Variants in GPSM2 observed in about 807,000 individuals in gnomAD.
GPSM2 encodes the protein G protein-signaling modulator 2.
In GPSM2, 58 loss-of-function variants were observed where a neutral mutation model predicts 78.4. The ratio of observed to expected loss-of-function variants is 0.74; its 90% CI spans 0.60 to 0.92. The LOEUF (loss-of-function observed/expected upper bound fraction) is 0.92, where lower values mean the gene tolerates loss of function less well. GPSM2 is among the 40% of genes least tolerant of loss of function. GPSM2 has a pLI of 0.00. For synonymous variants in GPSM2, 224 were observed against 280.2 expected (o/e 0.80, Z 2.00); for missense variants, 700 against 815.5 (o/e 0.86, Z 1.73).
chr1:108,894,823 T>C (rs1648237327), intron 2 of GPSM2, among the ~76,000 whole-genome samples: 1 of 152,226 alleles, frequency 6.6e-6, no homozygotes, highest in South Asian at 2.1e-4. Flanking sequence ...TATATCTGCT[T>C]GTTCTAAACC....
At chr1:108,928,800 C>A (rs1459716856) in intron 14 of GPSM2, among the ~76,000 whole-genome samples, 1 of 151,956 alleles carries the variant, frequency 6.6e-6, no homozygotes, top group African/African-American at 2.4e-5. Flanking sequence ...ACCAGCCTGG[C>A]CAACATGGTG....
chr1:108,914,292 C>T, intron 10 of GPSM2, 46 bp from the exon 11 acceptor site: 1 of 1,301,716 alleles, frequency 7.7e-7, no homozygotes, highest in African/African-American at 1.4e-5. Flanking sequence ...AACTTGTACT[C>T]TTAAGGGCTC....
Position 108,885,481 on chromosome 1 carries a change from A to C in GPSM2, c.-42A>C. 2.6e-6 allele frequency: 3 copies of C among 1,149,854 alleles called. No individual in the cohort carries two copies. The highest frequency in any genetic ancestry group is 3.9e-6 in the Non-Finnish European group (3 of 759,776). The allele number at this position is 1,149,854 out of a possible 1,614,324, so 71.2% of individuals were successfully genotyped here. ...CATTGTAAAGGACTGGATTGGCACA[A>C]AATAAAATAATTTTATTTTATTCAG... On this transcript the variant is annotated 5_prime_UTR_variant, in exon 2 of 15. Transcript: ENST00000264126.
intron 11 of GPSM2, among the ~76,000 whole-genome samples, chr1:108,918,244 C>T (rs908734071): frequency 1.3e-5 from 2 of 152,094 alleles, no homozygotes; most frequent in African/African-American, 4.8e-5. Flanking sequence ...AAAAATTCTA[C>T]ATACATCCAA....
intron 2 of GPSM2, among the ~76,000 whole-genome samples, chr1:108,892,786 A>C (rs1054825250): frequency 2.0e-5 from 3 of 152,244 alleles, no homozygotes; most frequent in Non-Finnish European, 4.4e-5. Context: ...CCTATTTTGC[A>C]GGCATAAATC....
intron 12 of GPSM2, among the ~76,000 whole-genome samples, chr1:108,921,794 CCT>C (rs1403307196): frequency 1.3e-5 from 2 of 152,032 alleles, no homozygotes; most frequent in African/African-American, 2.4e-5. Flanking sequence ...AAAATTAGTT[CCT>C]CTCTCCTCCT....
chr1:108,880,879 G>T (rs1202134119), intron 1 of GPSM2, among the ~76,000 whole-genome samples: 3 of 152,182 alleles, frequency 2.0e-5, no homozygotes, highest in Admixed American at 6.5e-5. Context: ...TGGCATTTAA[G>T]TGGCAGTCAG....
rs766068496 is a variant in GPSM2 at position 108,901,835 on chromosome 1, A to G, written c.843A>G (p.Glu281=). The G allele has an allele frequency of 6.2e-7, 1 of 1,612,536 alleles. No individual in the cohort carries two copies. Among genetic ancestry groups the G allele is most frequent in the South Asian group, 1.1e-5 (1 of 91,066 alleles). ...LARQLKDRAV[E]AQSCYSLGNT... ...GACAGCTTAAAGACCGAGCTGTAGA[A>G]GCACAGTCTTGTTACAGTCTTGGAA... is the stretch of plus-strand genomic sequence containing the variant. Residue 281 remains glutamate (E), a synonymous_variant, in exon 8 of 15, where the codon GAA becomes GAG. Transcript: ENST00000264126.
At chr1:108,880,753 C>G (rs926611541) in intron 1 of GPSM2, among the ~76,000 whole-genome samples, 2 of 152,156 alleles carry the variant, frequency 1.3e-5, no homozygotes, top group Non-Finnish European at 2.9e-5. Flanking sequence ...GATGATCTAA[C>G]CTGGTGGCAA....
intron 12 of GPSM2, 43 bp downstream of exon 12, chr1:108,918,832 G>C: frequency 1.5e-6 from 2 of 1,323,836 alleles, no homozygotes; most frequent in Non-Finnish European, 2.2e-6. Context: ...TTTGAGTACC[G>C]ACATTTGGGT....
intron 11 of GPSM2, among the ~76,000 whole-genome samples, chr1:108,917,376 G>A (rs1650308963): frequency 6.6e-6 from 1 of 151,366 alleles, no homozygotes; most frequent in Non-Finnish European, 1.5e-5. Flanking sequence ...GACCATCCTG[G>A]CCAACATGGT....
At chr1:108,880,119 A>G (rs1370797455) in intron 1 of GPSM2, among the ~76,000 whole-genome samples, 1 of 152,182 alleles carries the variant, frequency 6.6e-6, no homozygotes, top group African/African-American at 2.4e-5. Context: ...TTATTCCCAT[A>G]TTATCACAAA....
chr1:108,910,897 GA>G (rs1304187658), intron 10 of GPSM2, among the ~76,000 whole-genome samples: 2 of 151,480 alleles, frequency 1.3e-5, no homozygotes, highest in African/African-American at 4.8e-5. Context: ...TTCAACATTA[GA>G]AAATCAATTA....
chr1:108,924,303 T>C, intron 14 of GPSM2, 89 bp downstream of exon 14: 2 of 816,338 alleles, frequency 2.4e-6, no homozygotes, highest in Non-Finnish European at 2.1e-6. Flanking sequence ...AGGAAGGGCT[T>C]ATTTTGTATT....
At chr1:108,911,235 TGAA>T (rs1188527276) in intron 10 of GPSM2, among the ~76,000 whole-genome samples, 1 of 152,068 alleles carries the variant, frequency 6.6e-6, no homozygotes, top group South Asian at 2.1e-4. Flanking sequence ...TTACTAGAAA[TGAA>T]GAAGGTCGGC....
In GPSM2 at chr1:108,931,437, GAACAAGTTGC is replaced by G. The variant is rs2101588472; in HGVS notation, c.*1498_*1507del. 3.2e-6 allele frequency: 5 copies of G among 1,550,886 alleles called. No individual in the cohort carries two copies. In the East Asian group the frequency reaches 1.2e-4, roughly 38 times the overall value. ...CACAGACTGCAAAGGCCCACGCTTG[GAACAAGTTGC>G]CAACTTGTTTCACTCTGCTTGCTTC... On this transcript the variant is annotated 3_prime_UTR_variant, in exon 15 of 15. Coordinates refer to ENST00000264126, the MANE Select transcript of GPSM2 (RefSeq NM_013296.5).
Position 108,931,474 on chromosome 1 carries a change from G to A in GPSM2, c.*1534G>A. The A allele has an allele frequency of 6.4e-7, 1 of 1,550,746 alleles. No individual in the cohort carries two copies. Among genetic ancestry groups the A allele is most frequent in the Non-Finnish European group, 8.7e-7 (1 of 1,147,036 alleles). On this transcript the variant is annotated 3_prime_UTR_variant, in exon 15 of 15. Coordinates refer to ENST00000264126, the MANE Select transcript of GPSM2 (RefSeq NM_013296.5). ...AACTTGTTTCACTCTGCTTGCTTCA[G>A]ACTGTGCACAGCTGGGATGGGATCT...
At chr1:108,901,999 A>G in intron 8 of GPSM2, 54 bp downstream of exon 8, 1 of 1,229,754 alleles carries the variant, frequency 8.1e-7, no homozygotes. Context: ...TGCATTATTG[A>G]ATCCCTAGAA....
intron 12 of GPSM2, among the ~76,000 whole-genome samples, chr1:108,920,747 G>A (rs1414421052): frequency 6.6e-6 from 1 of 152,058 alleles, no homozygotes; most frequent in Non-Finnish European, 1.5e-5. Context: ...GGATATTTTT[G>A]TAGGTCTAGA....
Sources: gnomAD v4.1 joint callset for allele counts (sites outside exome capture counted in the v4.1 genomes callset) on GRCh38, gnomAD v4.1.1 for gene constraint, MANE v1.5 for transcripts, NCBI Gene and HGNC (gene_info 2026-07-23, HGNC 2026-07-21) for gene names.